Variants in UGT1A9 observed in about 807,000 individuals in gnomAD.
UGT1A9 encodes the protein UDP-glucuronosyltransferase 1A9.
UGT1A9 carries 35 observed loss-of-function variants against 45.0 expected under a neutral mutation model. That is an observed-to-expected ratio of 0.78 (90% CI 0.59 to 1.03). The LOEUF is 1.03. Among genes scored for constraint, UGT1A9 ranks in the 50% least tolerant of loss-of-function variants. The pLI, the probability that UGT1A9 is intolerant of heterozygous loss-of-function variation, is 0.00. For missense variants in UGT1A9, 687 were observed against 666.6 expected, an observed-to-expected ratio of 1.03 and a Z score of -0.34; for synonymous variants, 278 against 250.6, an observed-to-expected ratio of 1.11 and a Z score of -1.03.
rs144684818 is a variant in UGT1A9, at chr2:233,763,987, G to A, written c.856-3047G>A. On this transcript the variant is annotated intron_variant, in intron 1 of 4. Transcript: ENST00000354728. ...GATATATGTGGGTTACTGGGAATGC[G>A]TGATGGTGAAGTCACAGATGACCCA... 4.9e-3 allele frequency among the ~76,000 whole-genome samples: 743 copies of A among 152,304 alleles called. 10 individuals are homozygous for A. The highest frequency in any genetic ancestry group is 0.017 in the African/African-American group (695 of 41,566).
chr2:233,713,900 A>G, intron 1 of UGT1A9: 1 of 1,613,008 alleles, frequency 6.2e-7, no homozygotes, highest in South Asian at 1.1e-5. Flanking sequence ...TCCAGGCAAA[A>G]CACTTTTTAA....
rs143254112 is a variant in UGT1A9 at position 233,713,145 on chromosome 2, C to T, written c.855+40356C>T. The T allele has an allele frequency of 2.8e-5, 45 of 1,614,224 alleles. No individual in the cohort carries two copies. In the African/African-American group the frequency reaches 5.5e-4, roughly 20 times the overall value. Reference sequence around the variant, plus strand: ...CATGCGGGAGGCCTTGCGGGACCTCCATGCGAGAGGCCACCAGGTGGTGGT... The same window carrying T: ...CATGCGGGAGGCCTTGCGGGACCTCTATGCGAGAGGCCACCAGGTGGTGGT... On this transcript the variant is annotated intron_variant, in intron 1 of 4. Coordinates refer to ENST00000354728, the MANE Select transcript of UGT1A9 (RefSeq NM_021027.3).
intron 1 of UGT1A9, among the ~76,000 whole-genome samples, chr2:233,759,570 T>G (rs2125974184): frequency 6.6e-6 from 1 of 152,070 alleles, no homozygotes; most frequent in African/African-American, 2.4e-5. Flanking sequence ...TTCTGGTCAT[T>G]CTCTACCCCA....
chr2:233,749,837 G>A (rs1453014378), intron 1 of UGT1A9, among the ~76,000 whole-genome samples: 4 of 151,982 alleles, frequency 2.6e-5, no homozygotes, highest in East Asian at 1.9e-4. Flanking sequence ...CATGTAAGAC[G>A]TGTCTTTGCC....
chr2:233,742,574 G>A lies in UGT1A9; in HGVS notation c.856-24460G>A, dbSNP rs544718368. On this transcript the variant is annotated intron_variant, in intron 1 of 4. Coordinates refer to ENST00000354728, the MANE Select transcript of UGT1A9 (RefSeq NM_021027.3). ...TAGGGGCCAGCTTCTGGCCGGAATT[G>A]GGGGCTTATCCCCAGCAACCTACCA... Among the ~76,000 whole-genome samples the A allele has an allele frequency of 5.3e-5, 8 of 151,892 alleles. No homozygotes were observed. In the South Asian group the frequency reaches 1.7e-3, roughly 31 times the overall value.
chr2:233,765,587 C>T (rs1353703058), intron 1 of UGT1A9, among the ~76,000 whole-genome samples: 1 of 151,970 alleles, frequency 6.6e-6, no homozygotes, highest in East Asian at 1.9e-4. Context: ...AGGGGAACAA[C>T]ACACACCAGG....
chr2:233,718,332 T>C (rs1444016327), intron 1 of UGT1A9, among the ~76,000 whole-genome samples: 1 of 152,208 alleles, frequency 6.6e-6, no homozygotes, highest in East Asian at 1.9e-4. Flanking sequence ...CTTAGCAATG[T>C]TGTATGTCTT....
In UGT1A9 at chr2:233,743,574, A is replaced by T. The variant is rs763461022; in HGVS notation, c.856-23460A>T. ...AAAATATTCTCCAGCGGGTTTCCCA[A>T]GAGGTCAAAGGAGAATGGGTCCTGG... is the stretch of plus-strand genomic sequence containing the variant. On this transcript the variant is annotated intron_variant, in intron 1 of 4. Coordinates refer to ENST00000354728, the MANE Select transcript of UGT1A9 (RefSeq NM_021027.3). 5 of 1,367,184 alleles carry T rather than the reference A, an allele frequency of 3.7e-6. No individual in the cohort carries two copies. The East Asian group carries it at 2.3e-4, about 62-fold the overall frequency. The allele number at this position is 1,367,184 out of a possible 1,614,324, so 84.7% of individuals were successfully genotyped here. A position where few individuals can be genotyped will look rare whatever the true frequency, so the allele number is the denominator to read the frequency against.
intron 1 of UGT1A9, chr2:233,718,059 G>A (rs999688691): frequency 1.4e-5 from 5 of 357,064 alleles, no homozygotes; most frequent in East Asian, 7.4e-5. Context: ...TGAACCCACC[G>A]TGGGTCCTTG....
At chr2:233,715,853 C>T (rs2076473292) in intron 1 of UGT1A9, among the ~76,000 whole-genome samples, 1 of 152,126 alleles carries the variant, frequency 6.6e-6, no homozygotes, top group Admixed American at 6.5e-5. Context: ...ATATGAAAAG[C>T]TGGGTGCAGT....
At chr2:233,707,538 CT>C (rs753963758) in intron 1 of UGT1A9, among the ~76,000 whole-genome samples, 1,931 of 126,726 alleles carry the variant, frequency 0.015, 27 homozygotes, top group African/African-American at 0.038. Flanking sequence ...TTTGTCTTGC[CT>C]TTTTTTTTTT....
At chr2:233,764,686 A>G (rs1297996810) in intron 1 of UGT1A9, among the ~76,000 whole-genome samples, 1 of 152,166 alleles carries the variant, frequency 6.6e-6, no homozygotes, top group African/African-American at 2.4e-5. Context: ...GAACTTGAAG[A>G]GCACTTGGAA....
At chr2:233,695,670 G>C (rs962399799) in intron 1 of UGT1A9, among the ~76,000 whole-genome samples, 6 of 151,946 alleles carry the variant, frequency 3.9e-5, no homozygotes, top group Non-Finnish European at 8.8e-5. Flanking sequence ...AGAACATGTG[G>C]TATTTGTCTT....
intron 1 of UGT1A9, among the ~76,000 whole-genome samples, chr2:233,715,022 G>C (rs1438116974): frequency 6.6e-6 from 1 of 152,060 alleles, no homozygotes; most frequent in Non-Finnish European, 1.5e-5. Flanking sequence ...AACTACAGGC[G>C]CATGGCACCA....
intron 1 of UGT1A9, chr2:233,761,265 G>A (rs1265780323): frequency 1.3e-6 from 2 of 1,595,780 alleles, no homozygotes; most frequent in Non-Finnish European, 8.6e-7. Flanking sequence ...AATTTAAAAT[G>A]CCCTCTTTTG....
chr2:233,706,754 C>T (rs6725478), intron 1 of UGT1A9, among the ~76,000 whole-genome samples: 64,190 of 151,890 alleles, frequency 0.42, 14,632 homozygotes, highest in African/African-American at 0.59. Context: ...AGCAGAGTGC[C>T]GTACACTGGT....
At chr2:233,690,438 C>G in intron 1 of UGT1A9, 1 of 1,277,180 alleles carries the variant, frequency 7.8e-7, no homozygotes, top group Admixed American at 2.3e-5. Context: ...CTTTGGGTCT[C>G]TCCTCTATTC....
intron 1 of UGT1A9, among the ~76,000 whole-genome samples, chr2:233,761,544 A>G (rs745620081): frequency 8.5e-5 from 13 of 152,226 alleles, no homozygotes; most frequent in Non-Finnish European, 1.6e-4. Context: ...TCATTCTTTG[A>G]TGATGATAGA....
chr2:233,754,931 G>T, intron 1 of UGT1A9: 1 of 1,344,540 alleles, frequency 7.4e-7, no homozygotes, highest in South Asian at 1.1e-5. Context: ...TTCCCAAGAG[G>T]TCAAAGGAGA....
Sources: gnomAD v4.1 joint callset for allele counts (sites outside exome capture counted in the v4.1 genomes callset) on GRCh38, gnomAD v4.1.1 for gene constraint, MANE v1.5 for transcripts, NCBI Gene and HGNC (gene_info 2026-07-23, HGNC 2026-07-21) for gene names.